Variants in KCNIP4 observed in about 807,000 individuals in gnomAD.
KCNIP4 encodes potassium voltage-gated channel interacting protein 4.
Under a neutral mutation model 34.0 loss-of-function variants are expected in KCNIP4, and 12 were observed. The observed-to-expected ratio is 0.35, with a 90% CI of 0.23 to 0.57. KCNIP4 has a LOEUF of 0.57. Among genes scored for constraint, KCNIP4 ranks in the 20% least tolerant of loss-of-function variants. The pLI is 0.83. For missense variants in KCNIP4, 238 were observed against 311.7 expected (o/e 0.76, Z 1.78); for synonymous variants, 124 against 102.2 (o/e 1.21, Z -1.29).
In KCNIP4 at chr4:21,297,856, G is replaced by T. The variant is rs558822199; in HGVS notation, c.62-415147C>A. On this transcript the variant is annotated intron_variant, in intron 1 of 8. Coordinates refer to ENST00000382152, the MANE Select transcript of KCNIP4 (RefSeq NM_025221.6). ...TTCTTAAATACAATTTTTTTAATGG[G>T]CATATTCTGTAAGAGAAGTTCATAC... Among the ~76,000 whole-genome samples the T allele has an allele frequency of 2.6e-5, 4 of 151,852 alleles. No individual in the cohort carries two copies. The East Asian group carries it at 7.7e-4, about 29-fold the overall frequency.
At chr4:21,212,087 A>G (rs995950608) in intron 1 of KCNIP4, among the ~76,000 whole-genome samples, 4 of 152,198 alleles carry the variant, frequency 2.6e-5, no homozygotes, top group African/African-American at 9.7e-5. Context: ...GGCTTCTGCT[A>G]CTACATCCCT....
chr4:21,462,917 T>G (rs2109780736), intron 1 of KCNIP4, among the ~76,000 whole-genome samples: 1 of 152,156 alleles, frequency 6.6e-6, no homozygotes, highest in East Asian at 1.9e-4. Context: ...TCCATAAATG[T>G]TAATGAACAT....
intron 1 of KCNIP4, among the ~76,000 whole-genome samples, chr4:21,530,490 G>A (rs1458733931): frequency 6.6e-6 from 1 of 152,000 alleles, no homozygotes; most frequent in Admixed American, 6.6e-5. Context: ...GAATAAATGT[G>A]TATAACTTTT....
intron 1 of KCNIP4, among the ~76,000 whole-genome samples, chr4:21,550,068 G>C (rs966556777): frequency 6.6e-6 from 1 of 152,108 alleles, no homozygotes; most frequent in African/African-American, 2.4e-5. Flanking sequence ...TTAAATTCGT[G>C]CTGTTTTAGT....
chr4:20,930,939 G>C (rs1730399732), intron 1 of KCNIP4, among the ~76,000 whole-genome samples: 1 of 151,858 alleles, frequency 6.6e-6, no homozygotes, highest in Non-Finnish European at 1.5e-5. Flanking sequence ...AGTCATTATG[G>C]AAAACAGTGT....
chr4:21,857,095 C>T (rs1724808286), intron 1 of KCNIP4, among the ~76,000 whole-genome samples: 1 of 152,214 alleles, frequency 6.6e-6, no homozygotes, highest in Non-Finnish European at 1.5e-5. Context: ...TGGGGAAAGG[C>T]CTGAAGCCTG....
chr4:21,497,589 C>T (rs1452873577), intron 1 of KCNIP4, among the ~76,000 whole-genome samples: 1 of 152,136 alleles, frequency 6.6e-6, no homozygotes, highest in Non-Finnish European at 1.5e-5. Flanking sequence ...TCCACACCTC[C>T]ATTATTACAA....
chr4:20,758,893 A>T lies in KCNIP4; in HGVS notation c.289-3T>A, dbSNP rs771645387. On this transcript the variant is annotated splice_polypyrimidine_tract_variant and splice_region_variant and intron_variant, in intron 3 of 8. Transcript: ENST00000382152. Reference sequence around the variant, plus strand: ...TTAACAACACCACTGGGGCATTCCTAGGGAAAGTGGCAGAGAAGCAATATG... The same window carrying T: ...TTAACAACACCACTGGGGCATTCCTTGGGAAAGTGGCAGAGAAGCAATATG... 6.2e-7 allele frequency: 1 copy of T among 1,612,040 alleles called. No homozygotes were observed. Among genetic ancestry groups the T allele is most frequent in the East Asian group, 2.2e-5 (1 of 44,814 alleles).
intron 1 of KCNIP4, among the ~76,000 whole-genome samples, chr4:21,144,720 G>A (rs1224030332): frequency 6.6e-6 from 1 of 152,128 alleles, no homozygotes; most frequent in Non-Finnish European, 1.5e-5. Context: ...CATTCTTGAT[G>A]TGAATATTTT....
intron 1 of KCNIP4, among the ~76,000 whole-genome samples, chr4:21,175,730 G>T (rs565958106): frequency 1.3e-5 from 2 of 152,300 alleles, no homozygotes; most frequent in Admixed American, 1.3e-4. Context: ...AAGCAGGAAA[G>T]AGTGGGCCAG....
chr4:20,844,611 C>G (rs758222845), intron 3 of KCNIP4, among the ~76,000 whole-genome samples: 4 of 152,198 alleles, frequency 2.6e-5, no homozygotes, highest in African/African-American at 9.6e-5. Flanking sequence ...GTGAATTCCT[C>G]TGTCCTAATC....
chr4:21,463,221 A>G (rs1440780288), intron 1 of KCNIP4, among the ~76,000 whole-genome samples: 1 of 152,138 alleles, frequency 6.6e-6, no homozygotes, highest in Non-Finnish European at 1.5e-5. Flanking sequence ...AACTGGAGTA[A>G]GGTAATACCT....
At chr4:20,811,708 G>A (rs1715789057) in intron 3 of KCNIP4, among the ~76,000 whole-genome samples, 1 of 152,116 alleles carries the variant, frequency 6.6e-6, no homozygotes, top group African/African-American at 2.4e-5. Flanking sequence ...AGAGGGAGGG[G>A]AGAGGAGTCA....
At chr4:21,265,723 A>G (rs16870654) in intron 1 of KCNIP4, among the ~76,000 whole-genome samples, 27,747 of 152,166 alleles carry the variant, frequency 0.18, 3,289 homozygotes, top group African/African-American at 0.32. Context: ...TCAGCACTCC[A>G]AATTAAAAGC....
At chr4:21,773,773 G>A (rs1410953793) in intron 1 of KCNIP4, among the ~76,000 whole-genome samples, 4 of 91,616 alleles carry the variant, frequency 4.4e-5, no homozygotes, top group African/African-American at 2.9e-4. Flanking sequence ...GTTTGTTTTT[G>A]TTTTGTTTAC....
At chr4:21,619,732 C>A (rs1216009302) in intron 1 of KCNIP4, among the ~76,000 whole-genome samples, 1 of 152,206 alleles carries the variant, frequency 6.6e-6, no homozygotes, top group Non-Finnish European at 1.5e-5. Flanking sequence ...CTGCTATGAA[C>A]CAGGACTTTA....
chr4:20,791,031 AT>A (rs1409779019), intron 3 of KCNIP4, among the ~76,000 whole-genome samples: 1 of 152,194 alleles, frequency 6.6e-6, no homozygotes, highest in Non-Finnish European at 1.5e-5. Flanking sequence ...TGTTTCTAAA[AT>A]ATTCTAAAAT....
At chr4:21,809,361 G>A (rs564995305) in intron 1 of KCNIP4, among the ~76,000 whole-genome samples, 3 of 152,152 alleles carry the variant, frequency 2.0e-5, no homozygotes, top group South Asian at 2.1e-4. Context: ...CCCCTACCTC[G>A]GTTCTCAGGC....
In KCNIP4 at chr4:21,234,312, A is replaced by ATATAT. The variant is rs1553841605; in HGVS notation, c.62-351608_62-351604dup. On this transcript the variant is annotated intron_variant, in intron 1 of 8. Coordinates refer to ENST00000382152, the MANE Select transcript of KCNIP4 (RefSeq NM_025221.6). ...ATATATTATATATAACATATATAAC[A>ATATAT]TATATATAACATATATAAATTATAT... is the stretch of plus-strand genomic sequence containing the variant. 6.6e-4 allele frequency among the ~76,000 whole-genome samples: 51 copies of ATATAT among 77,862 alleles called. 3 individuals carry two copies. The highest frequency in any genetic ancestry group is 1.7e-3 in the African/African-American group (17 of 9,948). 51.1% of individuals were successfully genotyped at this position (77,862 alleles called of 152,430 possible).
Sources: allele counts gnomAD v4.1 joint callset (sites outside exome capture counted in the v4.1 genomes callset), GRCh38; gene constraint gnomAD v4.1.1; transcripts MANE v1.5; gene names NCBI Gene and HGNC (gene_info 2026-07-23, HGNC 2026-07-21).